Variants in DHX8 observed in about 807,000 individuals in gnomAD.
The protein encoded by DHX8 is DEAH-box helicase 8, also known as ATP-dependent RNA helicase DHX8.
A neutral mutation model predicts 140.7 loss-of-function variants in DHX8; 67 were observed. The ratio of observed to expected loss-of-function variants is 0.48; its 90% CI spans 0.39 to 0.58. The LOEUF is 0.58. Ranked by LOEUF, DHX8 falls within the 20% of genes least tolerant of loss-of-function variation. The pLI is 0.00. For missense variants in DHX8, 887 were observed against 1,550.7 expected (o/e 0.57, Z 7.19); for synonymous variants, 533 against 553.2 (o/e 0.96, Z 0.51).
At chr17:43,498,991 G>A in intron 10 of DHX8, 32 bp downstream of exon 10, 2 of 1,517,434 alleles carry the variant, frequency 1.3e-6, no homozygotes, top group Non-Finnish European at 1.8e-6. Flanking sequence ...ACCTGGAAAT[G>A]TCAAGTGGAC....
Position 43,499,941 on chromosome 17 carries a change from C to A in DHX8, c.1399-15C>A. 2 of 1,608,960 alleles carry A rather than the reference C, an allele frequency of 1.2e-6. No homozygotes were observed. The highest frequency in any genetic ancestry group is 1.7e-6 in the Non-Finnish European group (2 of 1,178,454). ...GGACATTTAATCCATGTTGTTTTTT[C>A]TTCTGTTGCACCAGAACCCAGACGG... On this transcript the variant is annotated splice_polypyrimidine_tract_variant and intron_variant, in intron 10 of 22. Coordinates refer to ENST00000262415, the MANE Select transcript of DHX8 (RefSeq NM_004941.3).
At chr17:43,526,413 C>T (rs1288231375), downstream of DHX8, 3 of 1,526,004 alleles carry the variant, frequency 2.0e-6, no homozygotes, top group Admixed American at 5.9e-5. Flanking sequence ...CATGTGTGAG[C>T]TCCGCAGCTG....
chr17:43,524,234 A>G lies in DHX8; in HGVS notation c.*387A>G. 9.5e-7 allele frequency: 1 copy of G among 1,055,822 alleles called. No homozygotes were observed. The highest frequency in any genetic ancestry group is 1.1e-6 in the Non-Finnish European group (1 of 872,776). 65.4% of individuals were successfully genotyped at this position (1,055,822 alleles called of 1,614,324 possible). On this transcript the variant is annotated 3_prime_UTR_variant, in exon 23 of 23. Transcript: ENST00000262415. ...AGCAGGAGCTACTGTGCTCATCTAAAGTGTTTGCCCCACTTCCCACCCCGT... is the reference window on the plus strand; with the variant it reads ...AGCAGGAGCTACTGTGCTCATCTAAGGTGTTTGCCCCACTTCCCACCCCGT...
intron 3 of DHX8, among the ~76,000 whole-genome samples, chr17:43,538,325 A>T (rs1180777099): frequency 1.3e-5 from 2 of 152,080 alleles, no homozygotes; most frequent in African/African-American, 2.4e-5. Context: ...TAAATAAAAT[A>T]AAAAAGGAGG....
chr17:43,507,407 A>C (rs1969555606), intron 13 of DHX8, 96 bp from the exon 14 acceptor site: 1 of 1,238,646 alleles, frequency 8.1e-7, no homozygotes, highest in South Asian at 1.4e-5. Context: ...CAGATTCTTA[A>C]GATTATGAGT....
At chr17:43,520,102 T>C in intron 18 of DHX8, 28 bp from the exon 19 acceptor site, 1 of 1,613,816 alleles carries the variant, frequency 6.2e-7, no homozygotes, top group South Asian at 1.1e-5. Flanking sequence ...GACCCTCTTA[T>C]CACATGCCTT....
In DHX8 at chr17:43,507,676, A is replaced by C; in HGVS notation, c.2097A>C (p.Gly699=). Residue 699 remains glycine, a synonymous_variant, in exon 14 of 23, where the codon GGA becomes GGC. Transcript: ENST00000262415. ...ERTIHTDVLF[G]LLKKTVQKRQ... ...CAATTCACACTGATGTGCTCTTTGGATTGTTGAAAAAGGTAACTAGATGCT... is the reference window on the plus strand; with the variant it reads ...CAATTCACACTGATGTGCTCTTTGGCTTGTTGAAAAAGGTAACTAGATGCT... The C allele has an allele frequency of 6.2e-7, 1 of 1,614,012 alleles. No homozygotes were observed. Among genetic ancestry groups the C allele is most frequent in the South Asian group, 1.1e-5 (1 of 91,082 alleles).
chr17:43,527,103 A>G, downstream of DHX8, among the ~76,000 whole-genome samples: 1 of 152,090 alleles, frequency 6.6e-6, no homozygotes, highest in East Asian at 1.9e-4. Context: ...ACCTGTTGTC[A>G]CATCTCAGTC....
At chr17:43,514,761 T>C (rs529644675) in intron 17 of DHX8, among the ~76,000 whole-genome samples, 1 of 152,352 alleles carries the variant, frequency 6.6e-6, no homozygotes, top group South Asian at 2.1e-4. Context: ...GAAAAAATTC[T>C]AAATGTATTC....
chr17:43,517,439 CCCTTTGAGTGAAATGCAAAT>C (rs1219014269), intron 18 of DHX8, 117 bp downstream of exon 18: 5 of 1,220,054 alleles, frequency 4.1e-6, no homozygotes, highest in Non-Finnish European at 5.6e-6. Flanking sequence ...TGAAAGCAGT[CCCTTTGAGTGAAATGCAAAT>C]GGCTGTGATA....
intron 4 of DHX8, 31 bp downstream of exon 4, chr17:43,491,281 TA>T: frequency 8.3e-7 from 1 of 1,197,686 alleles, no homozygotes. Flanking sequence ...GTGTCTACTA[TA>T]AATATATATT....
At chr17:43,536,469 T>G in exon 3 of DHX8, 1 of 1,614,224 alleles carries the variant, frequency 6.2e-7, no homozygotes, top group Non-Finnish European at 8.5e-7. Flanking sequence ...CATCACTGTC[T>G]GGTACCTGAG....
rs1168230443 is a variant in DHX8, at chr17:43,521,543, C to T, written c.3241C>T (p.Gln1081Ter). ...SLRRAQDIRK[Q>*]MLGIMDRHKL... ...GCGCCGGGCCCAGGACATTCGCAAG[C>T]AGATGTTAGGCATAATGGACAGGTA... The change falls in exon 21 of 23, where the codon CAG (glutamine) becomes TAG (stop). Residue 1081 changes from glutamine (Q) to a stop codon, truncating the protein, a stop_gained. Coordinates refer to ENST00000262415, the MANE Select transcript of DHX8 (RefSeq NM_004941.3). LOFTEE classifies it high-confidence loss of function. 1 of 1,612,800 alleles carries T rather than the reference C, an allele frequency of 6.2e-7. No homozygotes were observed. The highest frequency in any genetic ancestry group is 8.5e-7 in the Non-Finnish European group (1 of 1,179,180).
chr17:43,489,646 A>AGTGAGCTGAG, intron 2 of DHX8, 112 bp downstream of exon 2: 1 of 709,874 alleles, frequency 1.4e-6, no homozygotes, highest in Non-Finnish European at 2.3e-6. Context: ...GCTGGAGTGC[A>AGTGAGCTGAG]GTGGCGCCAC....
intron 16 of DHX8, among the ~76,000 whole-genome samples, chr17:43,510,346 C>A (rs1438702188): frequency 6.6e-6 from 1 of 152,194 alleles, no homozygotes; most frequent in Non-Finnish European, 1.5e-5. Context: ...CCGTGCCCAG[C>A]CAGAATTTAC....
At chr17:43,529,739 C>A, downstream of DHX8, 1 of 1,590,492 alleles carries the variant, frequency 6.3e-7, no homozygotes, top group South Asian at 1.1e-5. Context: ...GCAACCGCCT[C>A]CCACCCGAGG....
intron 2 of DHX8, among the ~76,000 whole-genome samples, chr17:43,531,837 T>C (rs1200386937): frequency 6.6e-6 from 1 of 152,214 alleles, no homozygotes; most frequent in Non-Finnish European, 1.5e-5. Context: ...TCTGTGGGGA[T>C]AGGGACCAGA....
At chr17:43,487,321 A>G (rs1968223853) in intron 1 of DHX8, among the ~76,000 whole-genome samples, 1 of 152,258 alleles carries the variant, frequency 6.6e-6, no homozygotes, top group African/African-American at 2.4e-5. Flanking sequence ...GGCACATTCC[A>G]GGATGGAAAT....
At chr17:43,516,614 AATTTTTGT>A (rs1009166714) in intron 17 of DHX8, among the ~76,000 whole-genome samples, 1 of 151,882 alleles carries the variant, frequency 6.6e-6, no homozygotes, top group Non-Finnish European at 1.5e-5. Flanking sequence ...ACACCAAGCT[AATTTTTGT>A]ATTTTTTGTA....
Sources: allele counts gnomAD v4.1 joint callset (sites outside exome capture counted in the v4.1 genomes callset), GRCh38; gene constraint gnomAD v4.1.1; transcripts MANE v1.5; gene names NCBI Gene and HGNC (gene_info 2026-07-23, HGNC 2026-07-21).